The following CFAP57 variants were observed in gnomAD, a reference collection of about 807,000 sequenced individuals.
CFAP57 encodes cilia and flagella associated protein 57.
In CFAP57, 116 loss-of-function variants were observed where a neutral mutation model predicts 146.8. That is an observed-to-expected ratio of 0.79 (90% confidence interval 0.68 to 0.92). The LOEUF is 0.92. CFAP57 is among the 40% of genes least tolerant of loss of function. The pLI is 0.00. For missense variants in CFAP57, 1,377 were observed against 1,527.2 expected (o/e 0.90, Z 1.64); for synonymous variants, 518 against 552.8 (o/e 0.94, Z 0.88).
rs539040616 is a variant in CFAP57, at chr1:43,228,574, G to A, written c.3009+1448G>A. ...AGAGCCAGGTGGAGATCAGTCCAGG[G>A]CCAGGGGGCCCAGAGAGGGTATGTC... On this transcript the variant is annotated intron_variant, in intron 18 of 22. Coordinates refer to ENST00000372492, the MANE Select transcript of CFAP57 (RefSeq NM_001378189.1). 4.5e-4 allele frequency among the ~76,000 whole-genome samples: 67 copies of A among 147,464 alleles called. 2 individuals are homozygous for A. The highest frequency in any genetic ancestry group is 4.0e-3 in the Admixed American group (60 of 15,006).
chr1:43,185,337 G>C lies in CFAP57; in HGVS notation c.950G>C (p.Arg317Pro). 5 of 1,614,026 alleles carry C rather than the reference G, an allele frequency of 3.1e-6. No individual in the cohort carries two copies. In the South Asian group the frequency reaches 3.3e-5, roughly 11 times the overall value. The change falls in exon 5 of 23, where the codon CGT (arginine) becomes CCT (proline). Residue 317 changes from arginine to proline, a missense_variant. Transcript: ENST00000372492. ...FEKMEEKDFY[R>P]ESREIRIPVD... ...AAGATGGAAGAAAAGGATTTTTACC[G>C]TGAGAGCAGAGAAATCAGGGTAAGG...
In CFAP57 at chr1:43,249,623, T is replaced by A. The variant is rs1156811446; in HGVS notation, c.3539-4354T>A. ...TTTTTTTTTTTTTTTTTTTTTTTTT[T>A]AGTAGAAATGGGGTTTCACCGTGTT... On this transcript the variant is annotated intron_variant, in intron 22 of 22. Coordinates refer to ENST00000372492, the MANE Select transcript of CFAP57 (RefSeq NM_001378189.1). Among the ~76,000 whole-genome samples the A allele has an allele frequency of 9.7e-3, 847 of 87,164 alleles. 3 individuals carry two copies. The highest frequency in any genetic ancestry group is 0.015 in the Non-Finnish European group (637 of 42,296). 57.2% of individuals were successfully genotyped at this position (87,164 alleles called of 152,430 possible).
At chr1:43,226,952 A>G (rs1557806955) in intron 17 of CFAP57, 31 bp from the exon 18 acceptor site, 9 of 1,470,814 alleles carry the variant, frequency 6.1e-6, no homozygotes, top group Non-Finnish European at 8.1e-6. Flanking sequence ...GCCTTACAAT[A>G]TCTCTCACTT....
chr1:43,197,505 C>G, intron 6 of CFAP57, 48 bp from the exon 7 acceptor site: 1 of 1,613,988 alleles, frequency 6.2e-7, no homozygotes, highest in South Asian at 1.1e-5. Flanking sequence ...CATGTACAGC[C>G]AGCCTTTTGC....
rs71036614 is a variant in CFAP57 at position 43,190,265 on chromosome 1, CTTTTTTTTTTT to C, written c.1122+3419_1122+3429del. 2.4e-4 allele frequency among the ~76,000 whole-genome samples: 17 copies of C among 71,434 alleles called. No homozygotes were observed. The East Asian group carries it at 8.0e-3, about 34-fold the overall frequency. The allele number at this position is 71,434 out of a possible 152,430, so 46.9% of individuals were successfully genotyped here. ...ATCTTAGGGAGAAAGCATCCAGTCT[CTTTTTTTTTTT>C]TTTTTTTTTTTTGAGACGGAGTCTC... On this transcript the variant is annotated intron_variant, in intron 6 of 22. Coordinates refer to ENST00000372492, the MANE Select transcript of CFAP57 (RefSeq NM_001378189.1).
At chr1:43,214,314 G>A (rs966356291) in intron 11 of CFAP57, among the ~76,000 whole-genome samples, 6 of 152,108 alleles carry the variant, frequency 3.9e-5, no homozygotes, top group East Asian at 1.9e-4. Context: ...TCTCCCATTC[G>A]ACAGGTCGTC....
At chr1:43,198,718 A>G in intron 8 of CFAP57, 72 bp downstream of exon 8, 3 of 1,567,578 alleles carry the variant, frequency 1.9e-6, no homozygotes, top group African/African-American at 2.7e-5. Flanking sequence ...AGGAACTAAC[A>G]TGATCTGGGG....
Position 43,251,473 on chromosome 1 carries a change from C to CCTGAAGAGTTCCTGAA in CFAP57, c.3539-2504_3539-2503insCTGAAGAGTTCCTGAA, listed in dbSNP as rs538296519. On this transcript the variant is annotated intron_variant, in intron 22 of 22. Coordinates refer to ENST00000372492, the MANE Select transcript of CFAP57 (RefSeq NM_001378189.1). Reference sequence around the variant, plus strand: ...AGCCTGAAGGTCCTTTCCTGAAGAACGAACTCAGATAAAACAAATACAGGT... The same window carrying CCTGAAGAGTTCCTGAA: ...AGCCTGAAGGTCCTTTCCTGAAGAACCTGAAGAGTTCCTGAAGAACTCAGATAAAACAAATACAGGT... 3.7e-4 allele frequency among the ~76,000 whole-genome samples: 56 copies of CCTGAAGAGTTCCTGAA among 152,202 alleles called. No homozygotes were observed. In the East Asian group the frequency reaches 0.011, roughly 29 times the overall value.
chr1:43,209,722 G>GC, intron 10 of CFAP57, 21 bp from the exon 11 acceptor site: 1 of 1,611,160 alleles, frequency 6.2e-7, no homozygotes, highest in Non-Finnish European at 8.5e-7. Context: ...CTCACACTGA[G>GC]CAGAGCTGCC....
At chr1:43,233,333 AC>A (rs1283646186) in intron 19 of CFAP57, among the ~76,000 whole-genome samples, 1 of 152,216 alleles carries the variant, frequency 6.6e-6, no homozygotes, top group Non-Finnish European at 1.5e-5. Flanking sequence ...TACTAAAAAT[AC>A]AAAAATTAGC....
Position 43,186,821 on chromosome 1 carries a change from C to A in CFAP57, c.1084C>A (p.Leu362Ile). 1 of 1,614,150 alleles carries A rather than the reference C, an allele frequency of 6.2e-7. No individual in the cohort carries two copies. Among genetic ancestry groups the A allele is most frequent in the Admixed American group, 1.7e-5 (1 of 60,012 alleles). ...TLVASTSKNQ[L>I]YSITMSLTEI... ...GGTTGCCAGCACCAGTAAGAACCAA[C>A]TCTACAGCATCACCATGTCCCTGAC... Residue 362 changes from leucine (L) to isoleucine (I), a missense_variant, in exon 6 of 23, where the codon CTC becomes ATC. Leu to Ile is a conservative substitution (Grantham distance 5). Coordinates refer to ENST00000372492, the MANE Select transcript of CFAP57 (RefSeq NM_001378189.1).
At chr1:43,187,631 G>C (rs1210415311) in intron 6 of CFAP57, among the ~76,000 whole-genome samples, 1 of 148,084 alleles carries the variant, frequency 6.8e-6, no homozygotes, top group Non-Finnish European at 1.5e-5. Flanking sequence ...ATACCCTTTA[G>C]CTATTATTAT....
At chr1:43,226,818 C>G (rs1232386973) in intron 17 of CFAP57, among the ~76,000 whole-genome samples, 165 bp from the exon 18 acceptor site, 1 of 152,120 alleles carries the variant, frequency 6.6e-6, no homozygotes, top group Non-Finnish European at 1.5e-5. Flanking sequence ...TGCTGTAGCC[C>G]CATGGGGGGA....
rs1008589958 is a variant in CFAP57, at chr1:43,185,967, C to T, written c.969+611C>T. On this transcript the variant is annotated intron_variant, in intron 5 of 22. Transcript: ENST00000372492. Reference sequence around the variant, plus strand: ...TACAAAAAGTAGCCAGGTATGGTGGCACGTGTCTGTAATCCCAGCTAGAAT... The same window carrying T: ...TACAAAAAGTAGCCAGGTATGGTGGTACGTGTCTGTAATCCCAGCTAGAAT... 7.9e-5 allele frequency among the ~76,000 whole-genome samples: 12 copies of T among 151,612 alleles called. No homozygotes were observed. In the South Asian group the frequency reaches 1.5e-3, roughly 18 times the overall value.
intron 9 of CFAP57, among the ~76,000 whole-genome samples, chr1:43,203,053 G>T (rs1644202179): frequency 6.7e-6 from 1 of 150,336 alleles, no homozygotes; most frequent in Non-Finnish European, 1.5e-5. Flanking sequence ...GGCACCTGTA[G>T]TCCCAGCTAC....
At chr1:43,193,848 G>A (rs2124390269) in intron 6 of CFAP57, among the ~76,000 whole-genome samples, 1 of 152,014 alleles carries the variant, frequency 6.6e-6, no homozygotes, top group South Asian at 2.1e-4. Context: ...TTGAGTTTGA[G>A]TTACCACTGA....
intron 21 of CFAP57, among the ~76,000 whole-genome samples, chr1:43,236,065 G>C (rs1422336169): frequency 5.2e-5 from 4 of 76,660 alleles, no homozygotes; most frequent in Non-Finnish European, 7.7e-5. Flanking sequence ...GGGGTAGAAA[G>C]CAGAGGAGAC....
chr1:43,232,609 C>T lies in CFAP57; in HGVS notation c.3111C>T (p.Arg1037=). The T allele has an allele frequency of 6.5e-7, 1 of 1,541,332 alleles. No homozygotes were observed. Among genetic ancestry groups the T allele is most frequent in the Non-Finnish European group, 8.8e-7 (1 of 1,140,132 alleles). ...TGAGAGCCACCGATCAGGAGATGCG[C>T]AGAGAGAGACAGAAGGTGTGAGGGT... ...QKLRATDQEM[R]RERQKERDLE... is the part of the protein sequence containing the mutation. Residue 1037 remains arginine (R), a synonymous_variant, in exon 19 of 23, where the codon CGC becomes CGT. Coordinates refer to ENST00000372492, the MANE Select transcript of CFAP57 (RefSeq NM_001378189.1).
Position 43,239,724 on chromosome 1 carries a change from G to C in CFAP57, c.3406-3503G>C, listed in dbSNP as rs78686649. 6.9e-4 allele frequency among the ~76,000 whole-genome samples: 105 copies of C among 152,290 alleles called. 3 individuals carry two copies. In the East Asian group the frequency reaches 0.019, roughly 28 times the overall value. On this transcript the variant is annotated intron_variant, in intron 21 of 22. Transcript: ENST00000372492. Reference sequence around the variant, plus strand: ...GATTGTTATTGAGTTATTTAATGAGGATCAGGAGAAGTGAAGCTTAGCGAG... The same window carrying C: ...GATTGTTATTGAGTTATTTAATGAGCATCAGGAGAAGTGAAGCTTAGCGAG...
Sources: gnomAD v4.1 joint callset for allele counts (sites outside exome capture counted in the v4.1 genomes callset) on GRCh38, gnomAD v4.1.1 for gene constraint, MANE v1.5 for transcripts, NCBI Gene and HGNC (gene_info 2026-07-23, HGNC 2026-07-21) for gene names.